ZBTB32: variants seen among roughly 807,000 people sequenced by gnomAD.
ZBTB32 encodes zinc finger and BTB domain-containing protein 32.
In ZBTB32, 28 loss-of-function variants were observed where a neutral mutation model predicts 45.3. The ratio of observed to expected loss-of-function variants is 0.62; its 90% CI spans 0.46 to 0.85. The LOEUF is 0.85. Among genes scored for constraint, ZBTB32 ranks in the 40% least tolerant of loss-of-function variants. The pLI is 0.00. For synonymous variants in ZBTB32, 283 were observed against 255.7 expected (o/e 1.11, Z -1.02); for missense variants, 587 against 624.4 (o/e 0.94, Z 0.64).
chr19:35,712,024 CAAAA>C (rs773746029), intron 1 of ZBTB32, among the ~76,000 whole-genome samples: 2 of 54,838 alleles, frequency 3.6e-5, no homozygotes, highest in Admixed American at 1.9e-4. Flanking sequence ...GACTGCGTCT[CAAAA>C]AAAAAAAAAA....
Position 35,715,054 on chromosome 19 carries a change from G to A in ZBTB32, c.428G>A (p.Gly143Glu). ...TCAAGGAATCCTGAGAGAGAACTGGGGGACCCTGGAGAGAAGCAGAAACCA... is the reference window on the plus strand; with the variant it reads ...TCAAGGAATCCTGAGAGAGAACTGGAGGACCCTGGAGAGAAGCAGAAACCA... ...KPSRNPEREL[G>E]DPGEKQKPEQ... Residue 143 changes from glycine (G) to glutamate (E), a missense_variant, in exon 3 of 7, where the codon GGG becomes GAG. By Grantham distance (98) the Gly-to-Glu change is moderately conservative (BLOSUM62 -2). Transcript: ENST00000392197. 1 of 1,613,788 alleles carries A rather than the reference G, an allele frequency of 6.2e-7. No homozygotes were observed. The highest frequency in any genetic ancestry group is 8.5e-7 in the Non-Finnish European group (1 of 1,179,978).
Position 35,716,188 on chromosome 19 carries a change from G to A in ZBTB32, c.1080G>A (p.Pro360=), listed in dbSNP as rs549898834. 8 of 1,613,640 alleles carry A rather than the reference G, an allele frequency of 5.0e-6. No homozygotes were observed. Among genetic ancestry groups the A allele is most frequent in the East Asian group, 2.2e-5 (1 of 44,860 alleles). ...HEDKAGCPPR[P]HPPPAPPARS... ...ACAAGGCAGGCTGCCCACCTCGCCC[G>A]CACCCTCCCCCGGCCCCTCCTGCTC... Residue 360 remains proline (P), a synonymous_variant, in exon 6 of 7, where the codon CCG becomes CCA. Coordinates refer to ENST00000392197, the MANE Select transcript of ZBTB32 (RefSeq NM_014383.3).
intron 1 of ZBTB32, among the ~76,000 whole-genome samples, chr19:35,711,302 G>A (rs964606142): frequency 6.6e-6 from 1 of 152,192 alleles, no homozygotes; most frequent in Non-Finnish European, 1.5e-5. Flanking sequence ...TGTCTTGAGG[G>A]ACTCTGTATT....
At chr19:35,712,844 G>A (rs1369756809) in intron 1 of ZBTB32, 73 bp from the exon 2 acceptor site, 1 of 152,118 alleles carries the variant, frequency 6.6e-6, no homozygotes, top group Non-Finnish European at 1.5e-5. Flanking sequence ...TCAGGGAGAG[G>A]GAGGAGGCCA....
At position 35,715,224 on chromosome 19, in the gene ZBTB32, G is replaced by GTTT; in HGVS notation, c.600_601insTTT (p.Val200_Gly201insPhe). ...AAAGGAGAAACGCCTCCAAGCCCCT[G>GTTT]TTGGCCAAAGGGGAGCAGATGGGAA... is the stretch of plus-strand genomic sequence containing the variant. On this transcript the variant is annotated inframe_insertion, in exon 3 of 7. Coordinates refer to ENST00000392197, the MANE Select transcript of ZBTB32 (RefSeq NM_014383.3). 1 of 1,605,874 alleles carries GTTT rather than the reference G, an allele frequency of 6.2e-7. No homozygotes were observed. Among genetic ancestry groups the GTTT allele is most frequent in the Non-Finnish European group, 8.5e-7 (1 of 1,177,762 alleles).
chr19:35,705,452 T>C (rs908891666), intron 1 of ZBTB32, among the ~76,000 whole-genome samples: 3 of 152,012 alleles, frequency 2.0e-5, no homozygotes, highest in African/African-American at 7.3e-5. Flanking sequence ...GGACTCCAGG[T>C]TGAGATGTTC....
chr19:35,707,582 A>T (rs1364781463), intron 1 of ZBTB32, among the ~76,000 whole-genome samples: 1 of 151,874 alleles, frequency 6.6e-6, no homozygotes, highest in East Asian at 2.0e-4. Context: ...GTTGGCCAGG[A>T]CGGTCTCTAT....
At chr19:35,711,619 G>A (rs922326263) in intron 1 of ZBTB32, among the ~76,000 whole-genome samples, 6 of 152,102 alleles carry the variant, frequency 3.9e-5, no homozygotes, top group Non-Finnish European at 1.5e-5. Flanking sequence ...TGGTAGGCCT[G>A]GAAAGAGAGA....
At chr19:35,707,276 G>A (rs73590561) in intron 1 of ZBTB32, among the ~76,000 whole-genome samples, 16,930 of 150,922 alleles carry the variant, frequency 0.11, 1,047 homozygotes, top group Non-Finnish European at 0.12. Flanking sequence ...TAAGCTAGAC[G>A]ATAGTTAACC....
Position 35,715,955 on chromosome 19 carries a change from C to G in ZBTB32, c.972C>G (p.Gly324=). ...SSPTPGSLPQ[G]PAQLSPGEME... is the part of the protein sequence containing the mutation. ...TCCTTCCAGGTTCCCTCCCCCAGGG[C>G]CCCGCACAGCTCAGCCCTGGGGAGA... The change falls in exon 5 of 7, where the codon GGC becomes GGG. Residue 324 remains glycine, a synonymous_variant. Coordinates refer to ENST00000392197, the MANE Select transcript of ZBTB32 (RefSeq NM_014383.3). 2 of 1,613,588 alleles carry G rather than the reference C, an allele frequency of 1.2e-6. No individual in the cohort carries two copies. The highest frequency in any genetic ancestry group is 1.7e-6 in the Non-Finnish European group (2 of 1,179,894).
Position 35,716,697 on chromosome 19 carries a change from C to G in ZBTB32, c.1409C>G (p.Ser470Trp). 2 of 1,614,038 alleles carry G rather than the reference C, an allele frequency of 1.2e-6. No individual in the cohort carries two copies. Among genetic ancestry groups the G allele is most frequent in the Non-Finnish European group, 1.7e-6 (2 of 1,179,960 alleles). ...CGCTCCACCTTCCTCTACTCCTCCT[C>G]GAGGCCGTCTCGGCCCTCGACCTCT... is the stretch of plus-strand genomic sequence containing the variant. Reference protein sequence around the residue: ...TIRSTFLYSSSRPSRPSTSPC... With the variant: ...TIRSTFLYSSWRPSRPSTSPC... The change falls in exon 7 of 7, where the codon TCG (serine) becomes TGG (tryptophan). Residue 470 changes from serine to tryptophan, a missense_variant. Transcript: ENST00000392197.
At chr19:35,708,221 C>T (rs145763487) in intron 1 of ZBTB32, among the ~76,000 whole-genome samples, 29 of 152,234 alleles carry the variant, frequency 1.9e-4, no homozygotes, top group Non-Finnish European at 3.2e-4. Flanking sequence ...CAGGGTCTAG[C>T]GTGTGTGTAC....
At position 35,714,681 on chromosome 19, in the gene ZBTB32, C is replaced by A. The variant is rs777254528; in HGVS notation, c.55C>A (p.Gln19Lys). Residue 19 changes from glutamine to lysine, a missense_variant, in exon 3 of 7, where the codon CAG becomes AAG. Physicochemically the swap from Gln to Lys is moderately conservative, Grantham distance 53. Coordinates refer to ENST00000392197, the MANE Select transcript of ZBTB32 (RefSeq NM_014383.3). ...PSPYGSDRLV[Q>K]LAARLRPALC... ...CCCCTATGGCTCTGATCGGCTGGTA[C>A]AGCTAGCAGCCAGGCTCCGGCCAGC... is the stretch of plus-strand genomic sequence containing the variant. 9.4e-6 allele frequency: 15 copies of A among 1,602,702 alleles called. No individual in the cohort carries two copies. Among genetic ancestry groups the A allele is most frequent in the Admixed American group, 5.1e-5 (3 of 59,082 alleles).
chr19:35,716,078 G>A, intron 5 of ZBTB32, 55 bp from the exon 6 acceptor site: 1 of 1,611,776 alleles, frequency 6.2e-7, no homozygotes, highest in Non-Finnish European at 8.5e-7. Context: ...ATGGTACAGT[G>A]AGTTGGCGCT....
In ZBTB32 at chr19:35,715,947, C is replaced by T. The variant is rs1968868389; in HGVS notation, c.964C>T (p.Pro322Ser). 4 of 1,613,434 alleles carry T rather than the reference C, an allele frequency of 2.5e-6. No homozygotes were observed. The South Asian group carries it at 4.4e-5, about 18-fold the overall frequency. The change falls in exon 5 of 7, where the codon CCC (proline) becomes TCC (serine). Residue 322 changes from proline (P) to serine (S), a missense_variant. Transcript: ENST00000392197. Reference protein sequence around the residue: ...ASSSPTPGSLPQGPAQLSPGE... With the variant: ...ASSSPTPGSLSQGPAQLSPGE... ...CCCACTGTTCCTTCCAGGTTCCCTC[C>T]CCCAGGGCCCCGCACAGCTCAGCCC...
chr19:35,709,116 G>A (rs1968622460), intron 1 of ZBTB32, among the ~76,000 whole-genome samples: 2 of 152,132 alleles, frequency 1.3e-5, no homozygotes, highest in African/African-American at 2.4e-5. Flanking sequence ...CACTGCGCCT[G>A]GCGAAAGAGT....
At position 35,714,729 on chromosome 19, in the gene ZBTB32, G is replaced by T. The variant is rs564214684; in HGVS notation, c.103G>T (p.Val35Leu). ...AGCACTCTGTGATACTCTGATCACC[G>T]TAGGGAGCCAGGAGTTCCCCGCCCA... ...RPALCDTLITVGSQEFPAHSL... is the reference protein window; with the variant it reads ...RPALCDTLITLGSQEFPAHSL... The change falls in exon 3 of 7, where the codon GTA becomes TTA. Residue 35 changes from valine to leucine, a missense_variant. Transcript: ENST00000392197. 1 of 1,614,072 alleles carries T rather than the reference G, an allele frequency of 6.2e-7. No individual in the cohort carries two copies. Among genetic ancestry groups the T allele is most frequent in the Non-Finnish European group, 8.5e-7 (1 of 1,180,018 alleles).
chr19:35,715,096 C>G lies in ZBTB32; in HGVS notation c.470C>G (p.Thr157Ser). The G allele has an allele frequency of 1.2e-6, 2 of 1,614,032 alleles. No individual in the cohort carries two copies. Among genetic ancestry groups the G allele is most frequent in the Non-Finnish European group, 1.7e-6 (2 of 1,180,020 alleles). Reference sequence around the variant, plus strand: ...CAGAAACCAGAACAGGTTTCTAGAACTGGTGGGAGAGAACAGGAGATGTTG... The same window carrying G: ...CAGAAACCAGAACAGGTTTCTAGAAGTGGTGGGAGAGAACAGGAGATGTTG... ...EKQKPEQVSR[T>S]GGREQEMLHK... Residue 157 changes from threonine to serine, a missense_variant, in exon 3 of 7, where the codon ACT becomes AGT. Transcript: ENST00000392197.
chr19:35,715,047 G>C lies in ZBTB32; in HGVS notation c.421G>C (p.Glu141Gln). 1.2e-6 allele frequency: 2 copies of C among 1,613,630 alleles called. No individual in the cohort carries two copies. Among genetic ancestry groups the C allele is most frequent in the Non-Finnish European group, 1.7e-6 (2 of 1,179,904 alleles). ...PEKPSRNPER[E>Q]LGDPGEKQKP... ...GAAACCCTCAAGGAATCCTGAGAGAGAACTGGGGGACCCTGGAGAGAAGCA... is the reference window on the plus strand; with the variant it reads ...GAAACCCTCAAGGAATCCTGAGAGACAACTGGGGGACCCTGGAGAGAAGCA... The change falls in exon 3 of 7, where the codon GAA becomes CAA. Residue 141 changes from glutamate to glutamine, a missense_variant. By Grantham distance (29) the Glu-to-Gln change is conservative (BLOSUM62 2). Coordinates refer to ENST00000392197, the MANE Select transcript of ZBTB32 (RefSeq NM_014383.3).
Sources: allele counts gnomAD v4.1 joint callset (sites outside exome capture counted in the v4.1 genomes callset), GRCh38; gene constraint gnomAD v4.1.1; transcripts MANE v1.5; gene names NCBI Gene and HGNC (gene_info 2026-07-23, HGNC 2026-07-21).